SAMMSON: variants seen among roughly 807,000 people sequenced by gnomAD.
The protein encoded by SAMMSON is survival associated mitochondrial melanoma specific oncogenic non-coding RNA, also known as long intergenic non-protein coding RNA 1212.
At chr3:70,044,833 T>C (rs886554721) in intron 3 of SAMMSON, among the ~76,000 whole-genome samples, 36 of 148,662 alleles carry the variant, frequency 2.4e-4, no homozygotes, top group Non-Finnish European at 2.4e-4. Context: ...GTAAATATTT[T>C]ATATATTTTA....
At chr3:70,120,865 T>C (rs924974339) in intron 4 of SAMMSON, among the ~76,000 whole-genome samples, 1 of 151,878 alleles carries the variant, frequency 6.6e-6, no homozygotes, top group Non-Finnish European at 1.5e-5. Context: ...GGACTGGAGG[T>C]GTGGGGGGAT....
chr3:70,415,706 T>C lies in SAMMSON; in HGVS notation n.234-46854T>C, dbSNP rs116624999. Among the ~76,000 whole-genome samples the C allele has an allele frequency of 3.5e-3, 530 of 152,304 alleles. 3 individuals carry two copies. The highest frequency in any genetic ancestry group is 4.8e-3 in the Non-Finnish European group (323 of 67,992). ...TCTTTAGCCTTGAAAAATTTTTAGA[T>C]GCTCCTTTTGAGATATGGGATGCAA... On this transcript the variant is annotated intron_variant and non_coding_transcript_variant, in intron 2 of 3. Coordinates refer to the SAMMSON transcript ENST00000641053.
chr3:70,148,202 G>C (rs997687913), intron 4 of SAMMSON, among the ~76,000 whole-genome samples: 3 of 152,064 alleles, frequency 2.0e-5, no homozygotes, highest in Non-Finnish European at 2.9e-5. Flanking sequence ...AAATTACATA[G>C]CCATTCTGGA....
At chr3:70,190,480 A>G (rs1701123228) in intron 4 of SAMMSON, among the ~76,000 whole-genome samples, 1 of 152,216 alleles carries the variant, frequency 6.6e-6, no homozygotes, top group Admixed American at 6.5e-5. Context: ...CCAGGTCACT[A>G]CTAGGTCTTA....
chr3:70,102,211 A>G (rs2067348949), intron 4 of SAMMSON, among the ~76,000 whole-genome samples: 1 of 152,144 alleles, frequency 6.6e-6, no homozygotes, highest in Non-Finnish European at 1.5e-5. Context: ...CAGCAATTTC[A>G]TCTTTTTCTC....
chr3:70,045,025 TA>T (rs1468885842), intron 3 of SAMMSON, among the ~76,000 whole-genome samples: 2 of 128,930 alleles, frequency 1.6e-5, no homozygotes, highest in African/African-American at 3.0e-5. Flanking sequence ...TAATTAATTA[TA>T]ATATATATTA....
At chr3:70,425,652 A>T (rs958505769) in intron 2 of SAMMSON, among the ~76,000 whole-genome samples, 1 of 151,766 alleles carries the variant, frequency 6.6e-6, no homozygotes, top group Non-Finnish European at 1.5e-5. Context: ...TGACCTCATG[A>T]TCCGCCCGCC....
chr3:70,050,239 C>G (rs543489328), intron 3 of SAMMSON, among the ~76,000 whole-genome samples: 242 of 152,248 alleles, frequency 1.6e-3, no homozygotes, highest in African/African-American at 5.2e-3. Context: ...ATTTTGCGTT[C>G]TGTGTAAATG....
chr3:70,415,522 A>G (rs780760310), intron 2 of SAMMSON, among the ~76,000 whole-genome samples: 12 of 152,068 alleles, frequency 7.9e-5, no homozygotes, highest in Non-Finnish European at 1.2e-4. Flanking sequence ...CTATTGTTAT[A>G]AGACTGGATC....
chr3:70,199,620 G>T (rs1010990975), intron 4 of SAMMSON, among the ~76,000 whole-genome samples: 4 of 152,120 alleles, frequency 2.6e-5, no homozygotes, highest in African/African-American at 9.7e-5. Flanking sequence ...ATGTTAAATA[G>T]TTCTACATGA....
intron 4 of SAMMSON, among the ~76,000 whole-genome samples, chr3:70,239,611 G>C (rs1210368981): frequency 6.6e-6 from 1 of 152,120 alleles, no homozygotes; most frequent in East Asian, 1.9e-4. Context: ...AGAGCTCTGT[G>C]ATTCTGAAGC....
At chr3:70,225,405 G>A in intron 4 of SAMMSON, among the ~76,000 whole-genome samples, 1 of 152,194 alleles carries the variant, frequency 6.6e-6, no homozygotes, top group East Asian at 1.9e-4. Flanking sequence ...AGTTAACAAT[G>A]CTTTATTATT....
intron 7 of SAMMSON, among the ~76,000 whole-genome samples, chr3:70,352,260 G>C (rs1050183968): frequency 6.6e-6 from 1 of 152,118 alleles, no homozygotes; most frequent in Admixed American, 6.5e-5. Context: ...CTTGAAAGGA[G>C]TGAAAGAGAA....
At chr3:70,047,181 G>C (rs1244597970) in intron 3 of SAMMSON, among the ~76,000 whole-genome samples, 1 of 152,060 alleles carries the variant, frequency 6.6e-6, no homozygotes, top group African/African-American at 2.4e-5. Flanking sequence ...TTACAAAAGT[G>C]ATAAAGTATG....
intron 4 of SAMMSON, among the ~76,000 whole-genome samples, chr3:70,087,276 T>C (rs1439892457): frequency 1.3e-5 from 2 of 152,244 alleles, no homozygotes; most frequent in South Asian, 2.1e-4. Context: ...CATTCCAGAA[T>C]TCTATCTGCA....
At chr3:70,176,391 T>C (rs1257115486) in intron 4 of SAMMSON, among the ~76,000 whole-genome samples, 2 of 152,178 alleles carry the variant, frequency 1.3e-5, no homozygotes, top group Non-Finnish European at 2.9e-5. Context: ...GTGGGTGAGA[T>C]AGACCCCGTT....
chr3:70,311,509 C>T (rs1228600736), intron 7 of SAMMSON, among the ~76,000 whole-genome samples: 1 of 152,096 alleles, frequency 6.6e-6, no homozygotes, highest in Non-Finnish European at 1.5e-5. Context: ...AGCAAGCATT[C>T]CTTTCTGTGA....
chr3:70,023,433 C>T (rs1049988422), intron 3 of SAMMSON, among the ~76,000 whole-genome samples: 2 of 151,644 alleles, frequency 1.3e-5, no homozygotes, highest in African/African-American at 4.8e-5. Flanking sequence ...TGCACTCCAG[C>T]CTGGGTGACA....
intron 4 of SAMMSON, among the ~76,000 whole-genome samples, chr3:70,133,752 T>G (rs1265031776): frequency 3.3e-5 from 5 of 152,118 alleles, no homozygotes; most frequent in African/African-American, 1.2e-4. Context: ...AAAGAATTGA[T>G]GTGTACTGAG....
Sources: allele counts gnomAD v4.1 joint callset (sites outside exome capture counted in the v4.1 genomes callset), GRCh38; gene constraint gnomAD v4.1.1; transcripts MANE v1.5; gene names NCBI Gene and HGNC (gene_info 2026-07-23, HGNC 2026-07-21).